Variants in EDIL3 observed in about 807,000 individuals in gnomAD.
The protein encoded by EDIL3 is EGF like and discoidin domains 3, also known as EGF-like repeat and discoidin I-like domain-containing protein 3.
A neutral mutation model predicts 67.4 loss-of-function variants in EDIL3; 37 were observed. That is an observed-to-expected ratio of 0.55 (90% CI 0.42 to 0.72). The LOEUF is 0.72. Among genes scored for constraint, EDIL3 ranks in the 30% least tolerant of loss-of-function variants. The pLI is 0.00. For missense variants in EDIL3, 527 were observed against 586.3 expected, an observed-to-expected ratio of 0.90 and a Z score of 1.04; for synonymous variants, 195 against 196.3, an observed-to-expected ratio of 0.99 and a Z score of 0.05.
chr5:84,150,701 T>A (rs1748374352), intron 4 of EDIL3, among the ~76,000 whole-genome samples: 1 of 152,192 alleles, frequency 6.6e-6, no homozygotes, highest in African/African-American at 2.4e-5. Flanking sequence ...GCAATCCATT[T>A]GGAAAACCAT....
intron 4 of EDIL3, among the ~76,000 whole-genome samples, chr5:84,162,995 A>G (rs1748641665): frequency 6.6e-6 from 1 of 152,150 alleles, no homozygotes; most frequent in Non-Finnish European, 1.5e-5. Context: ...CAGTAATAAC[A>G]TACTTAATAT....
rs183826170 is a variant in EDIL3 at position 84,078,063 on chromosome 5, T to C, written c.652-11457A>G. ...AATATCAAGTATTGGTGAAGTATTC[T>C]GATGCTGATGATGGGAATGTAAACT... On this transcript the variant is annotated intron_variant, in intron 6 of 10. Transcript: ENST00000296591. Among the ~76,000 whole-genome samples the C allele has an allele frequency of 2.7e-3, 410 of 152,328 alleles. 1 individual carries two copies. The highest frequency in any genetic ancestry group is 9.4e-3 in the African/African-American group (389 of 41,576).
intron 1 of EDIL3, among the ~76,000 whole-genome samples, chr5:84,325,116 G>GA (rs1561257795): frequency 1.3e-5 from 2 of 151,642 alleles, no homozygotes; most frequent in Non-Finnish European, 1.5e-5. Flanking sequence ...GACATCAAAA[G>GA]AAAAAATAGA....
intron 4 of EDIL3, among the ~76,000 whole-genome samples, chr5:84,161,025 T>C (rs1034535795): frequency 1.3e-5 from 2 of 151,928 alleles, no homozygotes; most frequent in Admixed American, 1.3e-4. Flanking sequence ...CTATGGTTCA[T>C]TATATCATTC....
intron 9 of EDIL3, among the ~76,000 whole-genome samples, chr5:84,026,813 T>C (rs1282110017): frequency 6.6e-6 from 1 of 152,142 alleles, no homozygotes; most frequent in Non-Finnish European, 1.5e-5. Context: ...TCAAAATGTC[T>C]CATGTAAGAA....
chr5:84,041,136 A>T (rs1580294395), intron 9 of EDIL3, among the ~76,000 whole-genome samples: 1 of 60,456 alleles, frequency 1.7e-5, no homozygotes, highest in African/African-American at 1.4e-4. Flanking sequence ...GTCTCAAAAT[A>T]AAAAAAAAAA....
intron 1 of EDIL3, among the ~76,000 whole-genome samples, chr5:84,357,223 C>G (rs879312035): frequency 1.3e-5 from 2 of 152,132 alleles, no homozygotes; most frequent in South Asian, 2.1e-4. Flanking sequence ...CCACGCCTGG[C>G]AGAGAAAACA....
At chr5:84,085,924 C>A (rs1237072985) in intron 6 of EDIL3, among the ~76,000 whole-genome samples, 2 of 152,184 alleles carry the variant, frequency 1.3e-5, no homozygotes, top group Non-Finnish European at 2.9e-5. Flanking sequence ...ACAGTCTGGC[C>A]ACAGCTGCTT....
chr5:83,949,116 A>G (rs976454622), intron 10 of EDIL3, among the ~76,000 whole-genome samples: 1 of 151,816 alleles, frequency 6.6e-6, no homozygotes, highest in African/African-American at 2.4e-5. Context: ...ATAAGTGTCT[A>G]TATTGATCAT....
rs186684802 is a variant in EDIL3, at chr5:84,312,808, A to T, written c.68-58596T>A. On this transcript the variant is annotated intron_variant, in intron 1 of 10. Coordinates refer to ENST00000296591, the MANE Select transcript of EDIL3 (RefSeq NM_005711.5). The stretch of plus-strand genomic sequence containing the variant: ...TCAGCTGTACATAAAATAATCCATC[A>T]AAGTGCTCTTCTTTTAAGTTAGGGT... Among the ~76,000 whole-genome samples, 91 of 152,374 alleles carry T rather than the reference A, an allele frequency of 6.0e-4. 1 individual carries two copies. Among genetic ancestry groups the T allele is most frequent in the Admixed American group, 2.8e-3 (43 of 15,302 alleles).
chr5:84,294,347 TG>T (rs1423310078), intron 1 of EDIL3, among the ~76,000 whole-genome samples: 1 of 129,804 alleles, frequency 7.7e-6, no homozygotes, highest in Non-Finnish European at 1.5e-5. Context: ...ATCATTCCAC[TG>T]CACTCCAGCC....
intron 2 of EDIL3, among the ~76,000 whole-genome samples, chr5:84,232,054 GT>G (rs1408930719): frequency 6.6e-6 from 1 of 152,172 alleles, no homozygotes; most frequent in Non-Finnish European, 1.5e-5. Context: ...TCATGTCAGT[GT>G]GACTTTAAAA....
intron 1 of EDIL3, among the ~76,000 whole-genome samples, chr5:84,262,298 A>T (rs1279088047): frequency 6.6e-6 from 1 of 152,156 alleles, no homozygotes; most frequent in Non-Finnish European, 1.5e-5. Flanking sequence ...ATCTCAATTT[A>T]TTCAAGAAGA....
intron 9 of EDIL3, among the ~76,000 whole-genome samples, chr5:83,975,097 T>C (rs563516918): frequency 1.3e-5 from 2 of 152,056 alleles, no homozygotes; most frequent in Non-Finnish European, 2.9e-5. Context: ...TATATGGCTA[T>C]AGTTATAAAG....
intron 6 of EDIL3, among the ~76,000 whole-genome samples, chr5:84,091,632 T>G (rs1747168054): frequency 6.6e-6 from 1 of 152,192 alleles, no homozygotes; most frequent in Non-Finnish European, 1.5e-5. Context: ...GCTGTGGACA[T>G]AAGGGATTTC....
intron 1 of EDIL3, among the ~76,000 whole-genome samples, chr5:84,382,678 G>C (rs547369975): frequency 1.3e-5 from 2 of 152,234 alleles, no homozygotes; most frequent in South Asian, 2.1e-4. Context: ...ATGAGAGAAA[G>C]GAAAAACAGC....
chr5:84,308,842 T>C (rs1746324452), intron 1 of EDIL3, among the ~76,000 whole-genome samples: 1 of 152,198 alleles, frequency 6.6e-6, no homozygotes, highest in South Asian at 2.1e-4. Context: ...TTTACAGCAG[T>C]ATATTTTTCA....
chr5:84,382,614 T>TC (rs994781516), intron 1 of EDIL3, among the ~76,000 whole-genome samples: 1 of 151,924 alleles, frequency 6.6e-6, no homozygotes, highest in Non-Finnish European at 1.5e-5. Flanking sequence ...CTGCAGTCCT[T>TC]CCCCCTTCCC....
intron 6 of EDIL3, among the ~76,000 whole-genome samples, chr5:84,086,381 C>T (rs751231435): frequency 4.4e-4 from 67 of 152,288 alleles, no homozygotes; most frequent in African/African-American, 1.2e-3. Flanking sequence ...CAGTCCTTCA[C>T]GGCTTCCCTT....
Sources: allele counts gnomAD v4.1 joint callset (sites outside exome capture counted in the v4.1 genomes callset), GRCh38; gene constraint gnomAD v4.1.1; transcripts MANE v1.5; gene names NCBI Gene and HGNC (gene_info 2026-07-23, HGNC 2026-07-21).